The following NR2F6 variants were observed in gnomAD, a reference collection of about 807,000 sequenced individuals.
The protein encoded by NR2F6 is nuclear receptor subfamily 2 group F member 6.
In NR2F6, 16 loss-of-function variants were observed where a neutral mutation model predicts 26.5. The observed-to-expected ratio is 0.60, with a 90% confidence interval of 0.41 to 0.92. The LOEUF is 0.92. NR2F6 is among the 40% of genes least tolerant of loss of function. The probability of loss-of-function intolerance (pLI) is 0.00; values close to 1 mark genes in which losing one functional copy is unlikely to be tolerated. For missense variants in NR2F6, 536 were observed against 631.7 expected, an observed-to-expected ratio of 0.85 and a Z score of 1.62; for synonymous variants, 325 against 305.0, an observed-to-expected ratio of 1.07 and a Z score of -0.68.
At chr19:17,241,760 T>C (rs2073470523) in intron 1 of NR2F6, among the ~76,000 whole-genome samples, 1 of 152,202 alleles carries the variant, frequency 6.6e-6, no homozygotes, top group African/African-American at 2.4e-5. Context: ...GGCTCACGCC[T>C]GTAATCCCAG....
intron 3 of NR2F6, among the ~76,000 whole-genome samples, chr19:17,234,410 C>T (rs2073424606): frequency 6.6e-6 from 1 of 152,108 alleles, no homozygotes; most frequent in Admixed American, 6.6e-5. Context: ...TGATTACAGG[C>T]CTGAGCCACC....
rs536626811 is a variant in NR2F6 at position 17,236,429 on chromosome 19, G to A, written c.374-364C>T. Among the ~76,000 whole-genome samples, 236 of 152,058 alleles carry A rather than the reference G, an allele frequency of 1.6e-3. 1 individual carries two copies. The highest frequency in any genetic ancestry group is 3.0e-3 in the Non-Finnish European group (205 of 67,952). ...CCCAGAATGCCCAACCCCACCCCAT[G>A]GGCGCCAGGCTGGTTAGAAAGTAAG... is the stretch of plus-strand genomic sequence containing the variant. On this transcript the variant is annotated intron_variant, in intron 2 of 3. Transcript: ENST00000291442.
At chr19:17,242,538 G>T (rs2073475099) in intron 1 of NR2F6, among the ~76,000 whole-genome samples, 1 of 152,198 alleles carries the variant, frequency 6.6e-6, no homozygotes, top group Admixed American at 6.5e-5. Flanking sequence ...GGAAAGCTGA[G>T]GATCTGCGCC....
At chr19:17,237,601 G>T (rs1018427031) in intron 2 of NR2F6, among the ~76,000 whole-genome samples, 1 of 151,832 alleles carries the variant, frequency 6.6e-6, no homozygotes, top group Non-Finnish European at 1.5e-5. Context: ...TAGTAGAGAC[G>T]GGGTTTCACC....
chr19:17,235,698 C>G lies in NR2F6; in HGVS notation c.741G>C (p.Ala247=). 1 of 1,491,110 alleles carries G rather than the reference C, an allele frequency of 6.7e-7. No homozygotes were observed. The highest frequency in any genetic ancestry group is 8.8e-7 in the Non-Finnish European group (1 of 1,130,788). The allele number at this position is 1,491,110 out of a possible 1,614,324, so 92.4% of individuals were successfully genotyped here. Reference sequence around the variant, plus strand: ...TGTGCAGGGGCAGCGCCGCCTGCGCCGCGTTCAGCACGAAGAGCTCGCTCC... The same window carrying G: ...TGTGCAGGGGCAGCGCCGCCTGCGCGGCGTTCAGCACGAAGAGCTCGCTCC... The part of the protein sequence containing the change: ...LSWSELFVLN[A]AQAALPLHTA... The change falls in exon 3 of 4, where the codon GCG becomes GCC. Residue 247 remains alanine, a synonymous_variant. Coordinates refer to ENST00000291442, the MANE Select transcript of NR2F6 (RefSeq NM_005234.4). The surrounding 1 kb of genome is among the most constrained non-coding windows in gnomAD (Gnocchi z 5.0).
At chr19:17,233,925 CAAG>C (rs2073421718) in intron 3 of NR2F6, among the ~76,000 whole-genome samples, 1 of 151,848 alleles carries the variant, frequency 6.6e-6, no homozygotes. Flanking sequence ...GATAGGAAGC[CAAG>C]AAGAAATCTG....
intron 1 of NR2F6, 69 bp downstream of exon 1, chr19:17,244,874 G>A (rs2073488491): frequency 1.3e-6 from 2 of 1,519,250 alleles, no homozygotes; most frequent in Admixed American, 2.2e-5. Context: ...CAAGGTGACC[G>A]AGCAGGTCAG....
chr19:17,236,666 TG>T (rs1410821414), intron 2 of NR2F6, among the ~76,000 whole-genome samples: 1 of 152,244 alleles, frequency 6.6e-6, no homozygotes, highest in African/African-American at 2.4e-5. Flanking sequence ...CTCTCTCCTA[TG>T]GAACAGGGAT....
At chr19:17,237,347 C>A (rs943752949) in intron 2 of NR2F6, among the ~76,000 whole-genome samples, 1 of 151,944 alleles carries the variant, frequency 6.6e-6, no homozygotes, top group Admixed American at 6.6e-5. Flanking sequence ...TGAACTTTTT[C>A]TTTTTCTTTT....
At position 17,235,653 on chromosome 19, in the gene NR2F6, G is replaced by A. The variant is rs548197628; in HGVS notation, c.786C>T (p.Ala262=). Residue 262 remains alanine, a synonymous_variant, in exon 3 of 4, where the codon GCC becomes GCT. Transcript: ENST00000291442. This position sits in a 1 kb window ranked among gnomAD's most constrained non-coding sequence, Gnocchi z 5.0. ...CCATAGGCGCGGCGTGGAGGCCGGC[G>A]GCGGCCAGTAGCGGCGCCGTGTGCA... The part of the protein sequence containing the change: ...LPLHTAPLLA[A]AGLHAAPMAA... 2.4e-5 allele frequency: 36 copies of A among 1,525,688 alleles called. No homozygotes were observed. Among genetic ancestry groups the A allele is most frequent in the African/African-American group, 2.1e-4 (15 of 70,706 alleles). The allele number at this position is 1,525,688 out of a possible 1,614,324, so 94.5% of individuals were successfully genotyped here.
Position 17,232,169 on chromosome 19 carries a change from C to G in NR2F6, c.*183G>C. On this transcript the variant is annotated 3_prime_UTR_variant, in exon 4 of 4. Coordinates refer to ENST00000291442, the MANE Select transcript of NR2F6 (RefSeq NM_005234.4). The stretch of plus-strand genomic sequence containing the variant: ...AGGCTGAGGCCTGGATGATCAGTCT[C>G]TTTTTGGTTTCATGATCATTTAAAA... 1 of 878,154 alleles carries G rather than the reference C, an allele frequency of 1.1e-6. No individual in the cohort carries two copies. Among genetic ancestry groups the G allele is most frequent in the Non-Finnish European group, 1.7e-6 (1 of 592,510 alleles). 54.4% of individuals were successfully genotyped at this position (878,154 alleles called of 1,614,324 possible). A position where few individuals can be genotyped will look rare whatever the true frequency, so the allele number is the denominator to read the frequency against.
chr19:17,233,994 G>A (rs1407911009), intron 3 of NR2F6, among the ~76,000 whole-genome samples: 1 of 152,080 alleles, frequency 6.6e-6, no homozygotes, highest in African/African-American at 2.4e-5. Flanking sequence ...GGAGGCTGAG[G>A]CGGGCAGATC....
At chr19:17,232,647 C>T in intron 3 of NR2F6, 21 bp from the exon 4 acceptor site, 1 of 1,516,586 alleles carries the variant, frequency 6.6e-7, no homozygotes, top group Non-Finnish European at 8.8e-7. Flanking sequence ...AAAGGCAAGT[C>T]AGACAGGTGG....
chr19:17,245,306 G>T lies in NR2F6; in HGVS notation c.-86C>A. The stretch of plus-strand genomic sequence containing the variant: ...CGGCCCGGGGGACCCTACGCGGCGC[G>T]CATTCGGCCCCGGCGCGCGGGGGGC... On this transcript the variant is annotated 5_prime_UTR_variant, in exon 1 of 4. Coordinates refer to ENST00000291442, the MANE Select transcript of NR2F6 (RefSeq NM_005234.4). This position sits in a 1 kb window ranked among gnomAD's most constrained non-coding sequence, Gnocchi z 5.0. 8.8e-7 allele frequency: 1 copy of T among 1,132,742 alleles called. No homozygotes were observed. Among genetic ancestry groups the T allele is most frequent in the Non-Finnish European group, 1.1e-6 (1 of 913,964 alleles). The allele number at this position is 1,132,742 out of a possible 1,614,324, so 70.2% of individuals were successfully genotyped here.
In NR2F6 at chr19:17,240,541, C is replaced by G. The variant is rs566788277; in HGVS notation, c.373+130G>C. On this transcript the variant is annotated intron_variant, in intron 2 of 3. Transcript: ENST00000291442. Reference sequence around the variant, plus strand: ...AGGTTAGCAGGCGCCGGCCCCCACCCTGTGAGGCACCCAGACCCCTGTGAA... The same window carrying G: ...AGGTTAGCAGGCGCCGGCCCCCACCGTGTGAGGCACCCAGACCCCTGTGAA... 10 of 982,098 alleles carry G rather than the reference C, an allele frequency of 1.0e-5. 1 individual carries two copies. In the East Asian group the frequency reaches 2.5e-4, roughly 25 times the overall value. 60.8% of individuals were successfully genotyped at this position (982,098 alleles called of 1,614,324 possible).
Position 17,235,695 on chromosome 19 carries a change from C to T in NR2F6, c.744G>A (p.Ala248=). Residue 248 remains alanine (A), a synonymous_variant, in exon 3 of 4, where the codon GCG becomes GCA. Coordinates refer to ENST00000291442, the MANE Select transcript of NR2F6 (RefSeq NM_005234.4). This position sits in a 1 kb window ranked among gnomAD's most constrained non-coding sequence, Gnocchi z 5.0. Reference sequence around the variant, plus strand: ...CCGTGTGCAGGGGCAGCGCCGCCTGCGCCGCGTTCAGCACGAAGAGCTCGC... The same window carrying T: ...CCGTGTGCAGGGGCAGCGCCGCCTGTGCCGCGTTCAGCACGAAGAGCTCGC... The part of the protein sequence containing the change: ...SWSELFVLNA[A]QAALPLHTAP... 1 of 1,489,732 alleles carries T rather than the reference C, an allele frequency of 6.7e-7. No individual in the cohort carries two copies. The highest frequency in any genetic ancestry group is 8.8e-7 in the Non-Finnish European group (1 of 1,130,316). 92.3% of individuals were successfully genotyped at this position (1,489,732 alleles called of 1,614,324 possible).
Position 17,236,082 on chromosome 19 carries a change from C to G in NR2F6, c.374-17G>C. The G allele has an allele frequency of 1.2e-6, 1 of 830,060 alleles. No individual in the cohort carries two copies. The highest frequency in any genetic ancestry group is 1.4e-6 in the Non-Finnish European group (1 of 725,024). The allele number at this position is 830,060 out of a possible 1,614,324, so 51.4% of individuals were successfully genotyped here. On this transcript the variant is annotated splice_polypyrimidine_tract_variant and intron_variant, in intron 2 of 3. Transcript: ENST00000291442. ...GCTGCACCGCTGCGGGAGGCGGGGACAGGAGGGACATGGGGGCGGGAGGGG... is the reference window on the plus strand; with the variant it reads ...GCTGCACCGCTGCGGGAGGCGGGGAGAGGAGGGACATGGGGGCGGGAGGGG...
At position 17,245,305 on chromosome 19, in the gene NR2F6, C is replaced by T. The variant is rs1277475798; in HGVS notation, c.-85G>A. ...TCGGCCCGGGGGACCCTACGCGGCG[C>T]GCATTCGGCCCCGGCGCGCGGGGGG... is the stretch of plus-strand genomic sequence containing the variant. On this transcript the variant is annotated 5_prime_UTR_variant, in exon 1 of 4. Transcript: ENST00000291442. The surrounding 1 kb of genome is among the most constrained non-coding windows in gnomAD (Gnocchi z 5.0). The T allele has an allele frequency of 2.0e-5, 23 of 1,127,224 alleles. No individual in the cohort carries two copies. Among genetic ancestry groups the T allele is most frequent in the Admixed American group, 4.7e-5 (1 of 21,472 alleles). The allele number at this position is 1,127,224 out of a possible 1,614,324, so 69.8% of individuals were successfully genotyped here.
intron 2 of NR2F6, among the ~76,000 whole-genome samples, chr19:17,238,485 C>T (rs1397808417): frequency 6.6e-6 from 1 of 152,174 alleles, no homozygotes; most frequent in South Asian, 2.1e-4. Flanking sequence ...GAGGGAAGAG[C>T]CCGTGCAAAG....
Sources: gnomAD v4.1 joint callset for allele counts (sites outside exome capture counted in the v4.1 genomes callset) on GRCh38, gnomAD v4.1.1 for gene constraint, Gnocchi (gnomAD v3.1) non-coding constraint, MANE v1.5 for transcripts, NCBI Gene and HGNC (gene_info 2026-07-23, HGNC 2026-07-21) for gene names.